The following PJA2 variants were observed in gnomAD, a reference collection of about 807,000 sequenced individuals.
PJA2 encodes the protein praja ring finger ubiquitin ligase 2.
Under a neutral mutation model 69.3 loss-of-function variants are expected in PJA2, and 25 were observed. The ratio of observed to expected loss-of-function variants is 0.36; its 90% CI spans 0.26 to 0.50. The LOEUF (loss-of-function observed/expected upper bound fraction) is 0.50. Among genes scored for constraint, PJA2 ranks in the 20% least tolerant of loss-of-function variants. PJA2 has a pLI of 0.96. For synonymous variants in PJA2, 308 were observed against 277.8 expected (o/e 1.11, Z -1.08); for missense variants, 809 against 830.2 (o/e 0.97, Z 0.31).
In PJA2 at chr5:109,355,954, G is replaced by A. The variant is rs17852848; in HGVS notation, c.1725C>T (p.Thr575=). ...CTAAGCGTTCTTCTAGTGCCATGTA[G>A]GTAAGGAACTGAGGATCCACATATG... ...AISYVDPQFL[T]YMALEERLAQ... Residue 575 remains threonine (T), a synonymous_variant, in exon 7 of 10, where the codon ACC becomes ACT. Coordinates refer to ENST00000361189, the MANE Select transcript of PJA2 (RefSeq NM_014819.5). The A allele has an allele frequency of 6.2e-6, 10 of 1,613,582 alleles. No homozygotes were observed. Among genetic ancestry groups the A allele is most frequent in the East Asian group, 4.5e-5 (2 of 44,838 alleles).
chr5:109,406,599 T>C (rs1406634386), intron 1 of PJA2, among the ~76,000 whole-genome samples: 1 of 152,208 alleles, frequency 6.6e-6, no homozygotes, highest in Non-Finnish European at 1.5e-5. Flanking sequence ...ACAACCACTC[T>C]GGAAAACAGT....
chr5:109,368,832 T>C, intron 4 of PJA2, 86 bp from the exon 5 acceptor site: 1 of 1,357,136 alleles, frequency 7.4e-7, no homozygotes, highest in Non-Finnish European at 1.0e-6. Context: ...ATGGTTTGGA[T>C]CTGTGTCCCC....
chr5:109,392,560 C>CAAAA lies in PJA2; in HGVS notation c.-87-9044_-87-9041dup, dbSNP rs11365525. The stretch of plus-strand genomic sequence containing the variant: ...TGGGCAACAGAGCAAGACTCCATCT[C>CAAAA]AAAAAAAAAAAAAAAAAAGTGTCAA... On this transcript the variant is annotated intron_variant, in intron 1 of 9. Coordinates refer to ENST00000361189, the MANE Select transcript of PJA2 (RefSeq NM_014819.5). Among the ~76,000 whole-genome samples, 21 of 110,082 alleles carry CAAAA rather than the reference C, an allele frequency of 1.9e-4. 3 individuals carry two copies. Among genetic ancestry groups the CAAAA allele is most frequent in the Non-Finnish European group, 3.0e-4 (17 of 56,046 alleles). The allele number at this position is 110,082 out of a possible 152,430, so 72.2% of individuals were successfully genotyped here.
rs1422234128 is a variant in PJA2, at chr5:109,344,244, C to T, written c.1947G>A (p.Glu649=). 6.2e-7 allele frequency: 1 copy of T among 1,612,298 alleles called. No homozygotes were observed. Among genetic ancestry groups the T allele is most frequent in the Non-Finnish European group, 8.5e-7 (1 of 1,179,086 alleles). ...TGTGAAAGAAATGGTGACAGGGCAACTCTGTTGCTATATCATCCTTAATAT... is the reference window on the plus strand; with the variant it reads ...TGTGAAAGAAATGGTGACAGGGCAATTCTGTTGCTATATCATCCTTAATAT... ...SEYIKDDIAT[E]LPCHHFFHKP... Residue 649 remains glutamate (E), a synonymous_variant, in exon 9 of 10, where the codon GAG becomes GAA. Coordinates refer to ENST00000361189, the MANE Select transcript of PJA2 (RefSeq NM_014819.5).
intron 1 of PJA2, among the ~76,000 whole-genome samples, chr5:109,392,560 C>CAAAAA (rs11365525): frequency 2.7e-5 from 3 of 110,104 alleles, no homozygotes; most frequent in Admixed American, 1.0e-4. Flanking sequence ...GACTCCATCT[C>CAAAAA]AAAAAAAAAA....
At position 109,344,796 on chromosome 5, in the gene PJA2, A is replaced by G. The variant is rs1416707920; in HGVS notation, c.1788T>C (p.Ser596=). 27 of 1,613,798 alleles carry G rather than the reference A, an allele frequency of 1.7e-5. No homozygotes were observed. Among genetic ancestry groups the G allele is most frequent in the East Asian group, 4.5e-5 (2 of 44,880 alleles). Residue 596 remains serine (S), a synonymous_variant, in exon 8 of 10, where the codon TCT becomes TCC. Coordinates refer to ENST00000361189, the MANE Select transcript of PJA2 (RefSeq NM_014819.5). ...AMETALAHLE[S]LAVDVEVANP... ...TGGCCACCTCAACATCCACTGCAAG[A>G]GACTCTAAATGGGCCAGAGCAGTCT...
At chr5:109,409,388 G>C (rs1478725995) in intron 1 of PJA2, 1 of 152,558 alleles carries the variant, frequency 6.6e-6, no homozygotes, top group African/African-American at 2.4e-5. Context: ...GGCGTAAGAT[G>C]GTTCCGCTCT....
At chr5:109,407,118 CTT>C (rs1224500655) in intron 1 of PJA2, among the ~76,000 whole-genome samples, 1 of 152,146 alleles carries the variant, frequency 6.6e-6, no homozygotes, top group Non-Finnish European at 1.5e-5. Flanking sequence ...ATATTCCACT[CTT>C]GACTGTGGTG....
intron 8 of PJA2, among the ~76,000 whole-genome samples, 178 bp downstream of exon 8, chr5:109,344,527 T>C (rs976227339): frequency 1.3e-5 from 2 of 152,262 alleles, no homozygotes; most frequent in Admixed American, 1.3e-4. Context: ...TGTCTCAGCC[T>C]ATCGCTTGAA....
At chr5:109,353,427 TAGATA>T (rs1762310464) in intron 7 of PJA2, among the ~76,000 whole-genome samples, 1 of 51,030 alleles carries the variant, frequency 2.0e-5, no homozygotes, top group Non-Finnish European at 6.1e-5. Context: ...ATCTATATAT[TAGATA>T]CCTATATATA....
chr5:109,373,548 T>G (rs1386084406), intron 4 of PJA2, among the ~76,000 whole-genome samples: 4 of 152,180 alleles, frequency 2.6e-5, no homozygotes, highest in Non-Finnish European at 5.9e-5. Flanking sequence ...AGGGAAAAGA[T>G]TTAAAAATCA....
In PJA2 at chr5:109,336,395, T is replaced by G. The variant is rs1035372227; in HGVS notation, c.*836A>C. The stretch of plus-strand genomic sequence containing the variant: ...AAGCAAAATTACCTTAAACTAACTA[T>G]AAGCAATATTAAACAAATGTGCCAT... On this transcript the variant is annotated 3_prime_UTR_variant, in exon 10 of 10. Transcript: ENST00000361189. 2.6e-5 allele frequency: 4 copies of G among 152,118 alleles called. No homozygotes were observed. Among genetic ancestry groups the G allele is most frequent in the African/African-American group, 9.7e-5 (4 of 41,416 alleles). The allele number at this position is 152,118 out of a possible 1,614,324, so 9.4% of individuals were successfully genotyped here. A position where few individuals can be genotyped will look rare whatever the true frequency, so the allele number is the denominator to read the frequency against.
At chr5:109,380,865 T>C (rs1475087706) in intron 3 of PJA2, among the ~76,000 whole-genome samples, 1 of 150,696 alleles carries the variant, frequency 6.6e-6, no homozygotes, top group East Asian at 1.9e-4. Flanking sequence ...TCCCAGCACT[T>C]TGGGAAGCCA....
chr5:109,347,039 A>C (rs1762182457), intron 7 of PJA2, among the ~76,000 whole-genome samples: 1 of 152,244 alleles, frequency 6.6e-6, no homozygotes, highest in South Asian at 2.1e-4. Flanking sequence ...TAGGGATTAC[A>C]ACTTGCCTTG....
intron 7 of PJA2, among the ~76,000 whole-genome samples, chr5:109,347,162 G>T (rs1762183812): frequency 6.6e-6 from 1 of 152,232 alleles, no homozygotes; most frequent in South Asian, 2.1e-4. Flanking sequence ...TGGATATGCA[G>T]AGAAACACTG....
chr5:109,390,185 T>A (rs1469364695), intron 1 of PJA2, among the ~76,000 whole-genome samples: 1 of 152,060 alleles, frequency 6.6e-6, no homozygotes, highest in East Asian at 1.9e-4. Flanking sequence ...TTACTTTGAA[T>A]GTATTTAAAA....
rs1428978536 is a variant in PJA2 at position 109,335,061 on chromosome 5, A to C, written c.*2170T>G. ...TGCTATTTTATTAATATTCATACTTATTTCTAATTTACCTTCATATAGTCT... is the reference window on the plus strand; with the variant it reads ...TGCTATTTTATTAATATTCATACTTCTTTCTAATTTACCTTCATATAGTCT... On this transcript the variant is annotated 3_prime_UTR_variant, in exon 10 of 10. Coordinates refer to ENST00000361189, the MANE Select transcript of PJA2 (RefSeq NM_014819.5). 1.3e-5 allele frequency: 2 copies of C among 152,652 alleles called. No individual in the cohort carries two copies. Among genetic ancestry groups the C allele is most frequent in the Non-Finnish European group, 2.9e-5 (2 of 68,026 alleles). 9.5% of individuals were successfully genotyped at this position (152,652 alleles called of 1,614,324 possible). A position where few individuals can be genotyped will look rare whatever the true frequency, so the allele number is the denominator to read the frequency against.
chr5:109,353,736 A>C (rs991525631), intron 7 of PJA2, among the ~76,000 whole-genome samples: 9 of 98,628 alleles, frequency 9.1e-5, no homozygotes, highest in African/African-American at 4.1e-4. Flanking sequence ...CTATATCTAG[A>C]TATCTAGATT....
At chr5:109,395,730 G>A (rs184489724) in intron 1 of PJA2, among the ~76,000 whole-genome samples, 1 of 152,110 alleles carries the variant, frequency 6.6e-6, no homozygotes, top group African/African-American at 2.4e-5. Context: ...AGCCAGACAA[G>A]GCTCATGCCT....
Sources: allele counts gnomAD v4.1 joint callset (sites outside exome capture counted in the v4.1 genomes callset), GRCh38; gene constraint gnomAD v4.1.1; transcripts MANE v1.5; gene names NCBI Gene and HGNC (gene_info 2026-07-23, HGNC 2026-07-21).